The following CCDC9 variants were observed in gnomAD, a reference collection of about 807,000 sequenced individuals.
The protein encoded by CCDC9 is coiled-coil domain containing 9, also known as coiled-coil domain-containing protein 9.
Under a neutral mutation model 65.6 loss-of-function variants are expected in CCDC9, and 52 were observed. The observed-to-expected ratio is 0.79, with a 90% CI of 0.63 to 1.00. The LOEUF (loss-of-function observed/expected upper bound fraction) is 1.00, where lower values mean the gene tolerates loss of function less well. Among genes scored for constraint, CCDC9 ranks in the 50% least tolerant of loss-of-function variants. The probability of loss-of-function intolerance (pLI) is 0.00; values close to 1 mark genes in which losing one functional copy is unlikely to be tolerated. For synonymous variants in CCDC9, 332 were observed against 280.3 expected, an observed-to-expected ratio of 1.18 and a Z score of -1.84; for missense variants, 834 against 757.2, an observed-to-expected ratio of 1.10 and a Z score of -1.19.
chr19:47,257,350 T>A (rs117241151), intron 1 of CCDC9, among the ~76,000 whole-genome samples: 14,755 of 130,902 alleles, frequency 0.11, 890 homozygotes, highest in South Asian at 0.22. Flanking sequence ...GGCTGTTGCC[T>A]GCGAGCCAGG....
downstream of CCDC9, chr19:47,275,154 C>A (rs1159020112): frequency 6.7e-7 from 1 of 1,484,898 alleles, no homozygotes; most frequent in Admixed American, 2.4e-5. Flanking sequence ...GTGTGCTGCC[C>A]GCCCGGGCGT....
In CCDC9 at chr19:47,260,708, A is replaced by T. The variant is rs759837994; in HGVS notation, c.331A>T (p.Ser111Cys). Residue 111 changes from serine to cysteine, a missense_variant, in exon 5 of 12, where the codon AGC becomes TGC. Ser to Cys is a moderately radical substitution (Grantham distance 112). Transcript: ENST00000221922. Reference protein sequence around the residue: ...GRAGMGRASRSWEGSPGEQPR... With the variant: ...GRAGMGRASRCWEGSPGEQPR... ...GGCCGGCATGGGCCGAGCATCGCGCAGCTGGGAGGGCAGCCCCGGGGAGCA... is the reference window on the plus strand; with the variant it reads ...GGCCGGCATGGGCCGAGCATCGCGCTGCTGGGAGGGCAGCCCCGGGGAGCA... 3.8e-6 allele frequency: 6 copies of T among 1,577,848 alleles called. No homozygotes were observed. The Admixed American group carries it at 1.1e-4, about 30-fold the overall frequency.
intron 3 of CCDC9, among the ~76,000 whole-genome samples, chr19:47,259,511 T>TA (rs1383700625): frequency 6.6e-6 from 1 of 152,072 alleles, no homozygotes; most frequent in African/African-American, 2.4e-5. Context: ...GGGACTCAGT[T>TA]ACTGATGGGC....
intron 10 of CCDC9, 101 bp from the exon 11 acceptor site, chr19:47,270,980 AG>A: frequency 1.1e-6 from 1 of 895,172 alleles, no homozygotes; most frequent in Non-Finnish European, 1.7e-6. Context: ...CCACCATGCC[AG>A]ATGCTCTGGG....
chr19:47,262,833 C>T (rs2059054964), intron 5 of CCDC9, among the ~76,000 whole-genome samples: 1 of 151,966 alleles, frequency 6.6e-6, no homozygotes, highest in Non-Finnish European at 1.5e-5. Context: ...GGCTTGTGGT[C>T]CTAGCTACTT....
intron 7 of CCDC9, among the ~76,000 whole-genome samples, chr19:47,265,690 G>GTT (rs202176403): frequency 4.2e-5 from 6 of 142,606 alleles, no homozygotes; most frequent in Admixed American, 1.4e-4. Flanking sequence ...AGGATAAGAG[G>GTT]TTTTTTTTTT....
At position 47,271,689 on chromosome 19, in the gene CCDC9, CTGTG is replaced by C. The variant is rs746173971; in HGVS notation, c.*52_*55del. ...TTTGAGAGTGTATGAAGCTGGCTGC[CTGTG>C]TGTGTGTGTGTGTGTGTGTGTGTGT... On this transcript the variant is annotated 3_prime_UTR_variant, in exon 12 of 12. Transcript: ENST00000221922. 7.5e-4 allele frequency: 849 copies of C among 1,127,256 alleles called. 2 individuals carry two copies. The highest frequency in any genetic ancestry group is 8.6e-4 in the Admixed American group (40 of 46,526). 69.8% of individuals were successfully genotyped at this position (1,127,256 alleles called of 1,614,324 possible). A position where few individuals can be genotyped will look rare whatever the true frequency, so the allele number is the denominator to read the frequency against.
In CCDC9 at chr19:47,271,315, C is replaced by T. The variant is rs60930438; in HGVS notation, c.1233C>T (p.Asp411=). 725,230 of 1,610,504 alleles carry T rather than the reference C, an allele frequency of 0.45. 168,042 individuals carry two copies. Among genetic ancestry groups the T allele is most frequent in the East Asian group, 0.66 (29,398 of 44,700 alleles). ...IPAPAHRPPE[D]EGEENEGEED... ...CTCCTGCCCACCGGCCTCCTGAAGA[C>T]GAGGGGGAAGAGAATGAGGGGGAAG... The change falls in exon 12 of 12, where the codon GAC becomes GAT. Residue 411 remains aspartate, a synonymous_variant. Coordinates refer to ENST00000221922, the MANE Select transcript of CCDC9 (RefSeq NM_015603.3).
Position 47,271,918 on chromosome 19 carries a change from G to A in CCDC9, c.*240G>A. 7.7e-7 allele frequency: 1 copy of A among 1,303,232 alleles called. No homozygotes were observed. Among genetic ancestry groups the A allele is most frequent in the Non-Finnish European group, 9.7e-7 (1 of 1,028,168 alleles). The allele number at this position is 1,303,232 out of a possible 1,614,324, so 80.7% of individuals were successfully genotyped here. A position where few individuals can be genotyped will look rare whatever the true frequency, so the allele number is the denominator to read the frequency against. On this transcript the variant is annotated 3_prime_UTR_variant, in exon 12 of 12. Transcript: ENST00000221922. The stretch of plus-strand genomic sequence containing the variant: ...CTCCCAGAGCCTGCCCCAGCCCTTC[G>A]AGCCCCCTCCCCAATAAAGAATTCA...
chr19:47,260,710 C>T lies in CCDC9; in HGVS notation c.333C>T (p.Ser111=). ...CCGGCATGGGCCGAGCATCGCGCAG[C>T]TGGGAGGGCAGCCCCGGGGAGCAGC... ...GRAGMGRASR[S]WEGSPGEQPR... is the part of the protein sequence containing the mutation. Residue 111 remains serine, a synonymous_variant, in exon 5 of 12, where the codon AGC becomes AGT. Transcript: ENST00000221922. 6.3e-7 allele frequency: 1 copy of T among 1,581,044 alleles called. No individual in the cohort carries two copies. Among genetic ancestry groups the T allele is most frequent in the Non-Finnish European group, 8.6e-7 (1 of 1,167,306 alleles).
downstream of CCDC9, among the ~76,000 whole-genome samples, chr19:47,272,588 C>T (rs1480196847): frequency 3.9e-5 from 6 of 152,114 alleles, no homozygotes; most frequent in Non-Finnish European, 7.4e-5. Flanking sequence ...CTCCACTGTA[C>T]TCCCACCTGG....
downstream of CCDC9, chr19:47,273,693 G>GC (rs1162270235): frequency 2.6e-6 from 1 of 381,792 alleles, no homozygotes; most frequent in Non-Finnish European, 4.6e-6. Flanking sequence ...TCCCATGGAG[G>GC]CCCTGGGCGG....
intron 7 of CCDC9, among the ~76,000 whole-genome samples, chr19:47,265,475 G>A (rs1039387111): frequency 6.6e-6 from 1 of 152,114 alleles, no homozygotes; most frequent in Non-Finnish European, 1.5e-5. Context: ...CTGTGTGAGG[G>A]GTGGGGACCT....
chr19:47,257,473 C>T (rs1465639351), intron 1 of CCDC9: 1 of 148,446 alleles, frequency 6.7e-6, no homozygotes, highest in Non-Finnish European at 1.5e-5. Flanking sequence ...AAGTTTTTTC[C>T]CGAGCCGTGG....
chr19:47,265,935 C>T (rs1193004577), intron 7 of CCDC9, among the ~76,000 whole-genome samples: 1 of 148,836 alleles, frequency 6.7e-6, no homozygotes, highest in African/African-American at 2.5e-5. Context: ...ATCTGCCCGC[C>T]TCAGCCTCCC....
chr19:47,266,808 G>A lies in CCDC9; in HGVS notation c.902+16G>A, dbSNP rs772756625. 22 of 1,594,744 alleles carry A rather than the reference G, an allele frequency of 1.4e-5. No homozygotes were observed. The East Asian group carries it at 3.2e-4, about 23-fold the overall frequency. On this transcript the variant is annotated intron_variant, in intron 8 of 11. Coordinates refer to ENST00000221922, the MANE Select transcript of CCDC9 (RefSeq NM_015603.3). ...CCGATGGGATGTGAGTCTCCTCCCC[G>A]CTCCTCTCCCCATGTGGCACGTTGA...
chr19:47,265,767 A>G (rs2059077710), intron 7 of CCDC9, among the ~76,000 whole-genome samples: 1 of 149,924 alleles, frequency 6.7e-6, no homozygotes, highest in Non-Finnish European at 1.5e-5. Flanking sequence ...GGCTCACTGC[A>G]AGCTCCGACT....
downstream of CCDC9, chr19:47,273,920 G>A (rs2059140164): frequency 1.0e-6 from 1 of 958,462 alleles, no homozygotes; most frequent in Non-Finnish European, 1.2e-6. Flanking sequence ...GAAGGAAGGG[G>A]TCTTCCTCCA....
chr19:47,270,295 T>C (rs1219927674), intron 8 of CCDC9, 112 bp from the exon 9 acceptor site: 2 of 1,014,126 alleles, frequency 2.0e-6, no homozygotes, highest in Non-Finnish European at 3.0e-6. Context: ...GTCCCCTGTC[T>C]GGTTGACCGT....
Sources: allele counts gnomAD v4.1 joint callset (sites outside exome capture counted in the v4.1 genomes callset), GRCh38; gene constraint gnomAD v4.1.1; transcripts MANE v1.5; gene names NCBI Gene and HGNC (gene_info 2026-07-23, HGNC 2026-07-21).